The following ZNF43 variants were observed in gnomAD, a reference collection of about 807,000 sequenced individuals.
ZNF43 encodes zinc finger protein 39-like 1 (KOX 27).
A neutral mutation model predicts 68.4 loss-of-function variants in ZNF43; 44 were observed. That is an observed-to-expected ratio of 0.64 (90% CI 0.51 to 0.83). The LOEUF (loss-of-function observed/expected upper bound fraction) is 0.83, where lower values mean the gene tolerates loss of function less well. Among genes scored for constraint, ZNF43 ranks in the 40% least tolerant of loss-of-function variants. The pLI is 0.00. For synonymous variants in ZNF43, 308 were observed against 307.8 expected (o/e 1.00, Z -0.01); for missense variants, 896 against 933.2 (o/e 0.96, Z 0.52).
rs2036891503 is a variant in ZNF43, at chr19:21,805,407, T to C, written c.*2200A>G. ...TGAACCGGGGAGGTGGGGGTTGCAG[T>C]GAGCCAAGATCATGCCACTGTACTC... On this transcript the variant is annotated 3_prime_UTR_variant, in exon 4 of 4. Transcript: ENST00000354959. 6.6e-6 allele frequency: 1 copy of C among 152,138 alleles called. No homozygotes were observed. The highest frequency in any genetic ancestry group is 2.1e-4 in the South Asian group (1 of 4,822). 9.4% of individuals were successfully genotyped at this position (152,138 alleles called of 1,614,324 possible).
upstream of ZNF43, chr19:21,836,211 CCT>C (rs1194198017): frequency 6.7e-7 from 1 of 1,485,798 alleles, no homozygotes; most frequent in South Asian, 1.3e-5. Context: ...CGGAAGCCGC[CCT>C]GTCCTCTCCT....
chr19:21,842,407 CAAA>C (rs34565458), intron 1 of ZNF43, among the ~76,000 whole-genome samples: 1 of 117,602 alleles, frequency 8.5e-6, no homozygotes, highest in Non-Finnish European at 1.8e-5. Context: ...GACTCCATCT[CAAA>C]AAAAAAAAAA....
chr19:21,808,557 A>G lies in ZNF43; in HGVS notation c.1480T>C (p.Ser494Pro), dbSNP rs2037088380. Residue 494 changes from serine to proline, a missense_variant, in exon 4 of 4, where the codon TCC becomes CCC. Coordinates refer to ENST00000354959, the MANE Select transcript of ZNF43 (RefSeq NM_003423.4). The stretch of plus-strand genomic sequence containing the variant: ...TTCTTATGTTTAGTAAGGTTTGAGG[A>G]CCGGCTAAAAGCTTTGCCACATTCT... ...CEECGKAFSR[S>P]SNLTKHKKIH... 1 of 1,613,216 alleles carries G rather than the reference A, an allele frequency of 6.2e-7. No homozygotes were observed. The highest frequency in any genetic ancestry group is 1.1e-5 in the South Asian group (1 of 91,042).
chr19:21,850,203 C>T (rs568289209), intron 1 of ZNF43, among the ~76,000 whole-genome samples: 135 of 151,990 alleles, frequency 8.9e-4, no homozygotes, highest in South Asian at 7.1e-3. Context: ...AGAGTGCAGG[C>T]AAAAATGGAG....
intron 3 of ZNF43, among the ~76,000 whole-genome samples, chr19:21,814,228 T>A (rs954421469): frequency 5.9e-5 from 9 of 152,206 alleles, no homozygotes; most frequent in African/African-American, 2.2e-4. Flanking sequence ...CATTCATCAT[T>A]AAACACATGG....
chr19:21,849,544 T>C (rs1367633823), intron 1 of ZNF43, among the ~76,000 whole-genome samples: 2 of 136,778 alleles, frequency 1.5e-5, no homozygotes, highest in Non-Finnish European at 3.1e-5. Flanking sequence ...GCATGGTAGC[T>C]CATGCCTGTA....
At chr19:21,810,782 T>C (rs982472370) in intron 3 of ZNF43, among the ~76,000 whole-genome samples, 1 of 152,052 alleles carries the variant, frequency 6.6e-6, no homozygotes, top group Admixed American at 6.6e-5. Flanking sequence ...ACTCTGTCTC[T>C]ACAAATAATA....
rs2037155694 is a variant in ZNF43, at chr19:21,809,279, G to C, written c.758C>G (p.Thr253Ser). 1 of 1,613,220 alleles carries C rather than the reference G, an allele frequency of 6.2e-7. No individual in the cohort carries two copies. The highest frequency in any genetic ancestry group is 2.2e-5 in the East Asian group (1 of 44,836). ...TTCACATTTGTAGAGTTTGTATCTA[G>C]TATAATTTTTTTTATGTGTAGTAAG... is the stretch of plus-strand genomic sequence containing the variant. Reference protein sequence around the residue: ...SRLTTHKKNYTRYKLYKCEEC... With the variant: ...SRLTTHKKNYSRYKLYKCEEC... The change falls in exon 4 of 4, where the codon ACT becomes AGT. Residue 253 changes from threonine to serine, a missense_variant. Thr to Ser is a moderately conservative substitution (Grantham distance 58, BLOSUM62 1). Coordinates refer to ENST00000354959, the MANE Select transcript of ZNF43 (RefSeq NM_003423.4).
Position 21,849,698 on chromosome 19 carries a change from C to T in ZNF43, c.30+2207G>A, listed in dbSNP as rs139007377. ...CGGAGGTTGCAGTGAGCTGAGATTG[C>T]ACCACTACACTCCAGCCTGGGCAAC... On this transcript the variant is annotated intron_variant, in intron 1 of 3. Coordinates refer to the ZNF43 transcript ENST00000357491. Among the ~76,000 whole-genome samples, 31 of 151,738 alleles carry T rather than the reference C, an allele frequency of 2.0e-4. No homozygotes were observed. In the East Asian group the frequency reaches 5.8e-3, roughly 29 times the overall value.
At position 21,808,281 on chromosome 19, in the gene ZNF43, T is replaced by C. The variant is rs764660079; in HGVS notation, c.1756A>G (p.Lys586Glu). The stretch of plus-strand genomic sequence containing the variant: ...TAGAATTTCTCTCCAGTATGAATTT[T>C]CTTATGTGTAGTAAGGTTTGAGGAT... ...TQSSNLTTHKKIHTGEKFYKC... is the reference protein window; with the variant it reads ...TQSSNLTTHKEIHTGEKFYKC... The change falls in exon 4 of 4, where the codon AAA (lysine) becomes GAA (glutamate). Residue 586 changes from lysine to glutamate, a missense_variant. By Grantham distance (56) the Lys-to-Glu change is moderately conservative (BLOSUM62 1). Coordinates refer to ENST00000354959, the MANE Select transcript of ZNF43 (RefSeq NM_003423.4). 19 of 1,613,478 alleles carry C rather than the reference T, an allele frequency of 1.2e-5. No homozygotes were observed. Among genetic ancestry groups the C allele is most frequent in the Admixed American group, 1.0e-4 (6 of 59,986 alleles).
At chr19:21,833,643 G>C (rs10411895) in intron 1 of ZNF43, among the ~76,000 whole-genome samples, 24,147 of 144,216 alleles carry the variant, frequency 0.17, 2,282 homozygotes, top group Non-Finnish European at 0.23. Flanking sequence ...CCCAGGATCA[G>C]AAAAAAAAAA....
intron 1 of ZNF43, among the ~76,000 whole-genome samples, chr19:21,831,490 T>C (rs956050171): frequency 6.6e-6 from 1 of 152,062 alleles, no homozygotes; most frequent in Non-Finnish European, 1.5e-5. Context: ...GCCTCCTGAG[T>C]AGCTGGGATT....
At chr19:21,835,489 C>G (rs1050182336) in intron 1 of ZNF43, among the ~76,000 whole-genome samples, 2 of 150,182 alleles carry the variant, frequency 1.3e-5, no homozygotes, top group Non-Finnish European at 1.5e-5. Context: ...TCCCTAGTAG[C>G]TGCGATTACA....
chr19:21,837,510 C>T (rs979605613), upstream of ZNF43, among the ~76,000 whole-genome samples: 1 of 149,906 alleles, frequency 6.7e-6, no homozygotes, highest in Non-Finnish European at 1.5e-5. Context: ...CTGCAACCTC[C>T]GCCTCCCAGG....
intron 1 of ZNF43, among the ~76,000 whole-genome samples, chr19:21,846,939 T>C (rs1243749075): frequency 6.6e-6 from 1 of 152,154 alleles, no homozygotes; most frequent in Non-Finnish European, 1.5e-5. Flanking sequence ...CCTAGCAATA[T>C]TTCATAATGT....
chr19:21,807,084 C>G lies in ZNF43; in HGVS notation c.*523G>C, dbSNP rs1568334485. On this transcript the variant is annotated 3_prime_UTR_variant, in exon 4 of 4. Transcript: ENST00000354959. ...TCATGTTTTATAAGCTGTAGTTTTT[C>G]AAAACTGTTTTTACAAATTTATTAC... The G allele has an allele frequency of 6.6e-6, 1 of 152,088 alleles. No individual in the cohort carries two copies. Among genetic ancestry groups the G allele is most frequent in the African/African-American group, 2.4e-5 (1 of 41,402 alleles). The allele number at this position is 152,088 out of a possible 1,614,324, so 9.4% of individuals were successfully genotyped here. A position where few individuals can be genotyped will look rare whatever the true frequency, so the allele number is the denominator to read the frequency against.
At chr19:21,835,907 G>A in intron 1 of ZNF43, 129 bp downstream of exon 1, 1 of 1,502,622 alleles carries the variant, frequency 6.7e-7, no homozygotes, top group Non-Finnish European at 9.2e-7. Context: ...GCCATCTTAT[G>A]GCTGAAGGGG....
At chr19:21,823,480 A>G (rs369120693) in intron 1 of ZNF43, among the ~76,000 whole-genome samples, 1 of 152,084 alleles carries the variant, frequency 6.6e-6, no homozygotes, top group East Asian at 1.9e-4. Flanking sequence ...GACATTTTCA[A>G]ATGTCGCAAA....
At chr19:21,830,182 C>A (rs1022666504) in intron 1 of ZNF43, among the ~76,000 whole-genome samples, 1 of 150,752 alleles carries the variant, frequency 6.6e-6, no homozygotes, top group African/African-American at 2.4e-5. Context: ...ACCAGGGAGG[C>A]GGAGGTTGCA....
Sources: gnomAD v4.1 joint callset for allele counts (sites outside exome capture counted in the v4.1 genomes callset) on GRCh38, gnomAD v4.1.1 for gene constraint, MANE v1.5 for transcripts, NCBI Gene and HGNC (gene_info 2026-07-23, HGNC 2026-07-21) for gene names.